The following ACER3 variants were observed in gnomAD, a reference collection of about 807,000 sequenced individuals.
The protein encoded by ACER3 is alkaline ceramidase 3, also known as alkCDase 3.
Under a neutral mutation model 48.9 loss-of-function variants are expected in ACER3, and 16 were observed. The ratio of observed to expected loss-of-function variants is 0.33; its 90% CI spans 0.22 to 0.50. The LOEUF (loss-of-function observed/expected upper bound fraction) is 0.50. Among genes scored for constraint, ACER3 ranks in the 20% least tolerant of loss-of-function variants. ACER3 has a pLI of 0.98. For synonymous variants in ACER3, 109 were observed against 107.8 expected (o/e 1.01, Z -0.07); for missense variants, 227 against 326.0 (o/e 0.70, Z 2.34).
At chr11:76,869,353 GC>G (rs1945182900) in intron 1 of ACER3, among the ~76,000 whole-genome samples, 1 of 152,168 alleles carries the variant, frequency 6.6e-6, no homozygotes, top group African/African-American at 2.4e-5. Flanking sequence ...AAGTCAGACT[GC>G]CAGTTAATTG....
rs569285409 is a variant in ACER3, at chr11:76,968,416, T to TTTC, written c.268-7869_268-7867dup. ...CAATCCCCATCAAGCTACCAATGAC[T>TTTC]TTCTTCACAGAATTGGAAAAAATTA... On this transcript the variant is annotated intron_variant, in intron 3 of 10. Transcript: ENST00000532485. 1.4e-3 allele frequency among the ~76,000 whole-genome samples: 219 copies of TTTC among 152,332 alleles called. 2 individuals are homozygous for TTTC. The highest frequency in any genetic ancestry group is 5.0e-3 in the African/African-American group (208 of 41,564).
chr11:76,972,195 A>T (rs1276040594), intron 3 of ACER3, among the ~76,000 whole-genome samples: 1 of 152,204 alleles, frequency 6.6e-6, no homozygotes, highest in Non-Finnish European at 1.5e-5. Flanking sequence ...TGTTTTTGAA[A>T]GTGGCTGCAC....
chr11:76,885,464 T>C (rs547024038), intron 1 of ACER3, among the ~76,000 whole-genome samples: 49 of 152,156 alleles, frequency 3.2e-4, no homozygotes, highest in African/African-American at 1.1e-3. Flanking sequence ...CAGGAAGAAG[T>C]TTTTATACTC....
intron 1 of ACER3, among the ~76,000 whole-genome samples, chr11:76,912,585 G>A (rs1038371360): frequency 6.6e-6 from 1 of 151,726 alleles, no homozygotes; most frequent in African/African-American, 2.4e-5. Flanking sequence ...GATTAAAGAA[G>A]ACAATGACAT....
intron 4 of ACER3, among the ~76,000 whole-genome samples, chr11:76,981,592 AT>A (rs1948586592): frequency 6.6e-6 from 1 of 152,232 alleles, no homozygotes; most frequent in African/African-American, 2.4e-5. Context: ...TTCTATAATT[AT>A]AGATTAGTTT....
chr11:76,899,698 T>C (rs779458458), intron 1 of ACER3, among the ~76,000 whole-genome samples: 3 of 152,242 alleles, frequency 2.0e-5, no homozygotes, highest in Admixed American at 6.5e-5. Context: ...TATTCATGTT[T>C]ATCTTCTAGT....
intron 5 of ACER3, 57 bp from the exon 6 acceptor site, chr11:76,990,481 GT>G (rs1262250201): frequency 1.4e-5 from 18 of 1,264,816 alleles, no homozygotes; most frequent in Middle Eastern, 1.9e-4. Flanking sequence ...ATTGGAGTCG[GT>G]TTTTCCCCCC....
intron 1 of ACER3, among the ~76,000 whole-genome samples, chr11:76,899,199 C>A (rs1056451297): frequency 2.6e-5 from 4 of 152,142 alleles, no homozygotes; most frequent in African/African-American, 4.8e-5. Context: ...TAGCCCATAT[C>A]TATTGGTACC....
chr11:76,966,859 A>T (rs1198739887), intron 3 of ACER3, among the ~76,000 whole-genome samples: 2 of 151,442 alleles, frequency 1.3e-5, no homozygotes, highest in African/African-American at 4.9e-5. Flanking sequence ...AAAGCAGGAA[A>T]GATCTACAAT....
In ACER3 at chr11:77,025,490, CT is replaced by C. The variant is rs1949538812; in HGVS notation, c.*5164del. On this transcript the variant is annotated 3_prime_UTR_variant, in exon 11 of 11. Transcript: ENST00000532485. ...TGGCAGGATCTCAACTCATTGCAAC[CT>C]CCGCCTCCCAAGGTTCAAGCGATTC... 6.6e-6 allele frequency: 1 copy of C among 151,208 alleles called. No individual in the cohort carries two copies. The highest frequency in any genetic ancestry group is 2.4e-5 in the African/African-American group (1 of 40,938). The allele number at this position is 151,208 out of a possible 1,614,324, so 9.4% of individuals were successfully genotyped here. A position where few individuals can be genotyped will look rare whatever the true frequency, so the allele number is the denominator to read the frequency against.
At chr11:76,968,641 T>C (rs1178670715) in intron 3 of ACER3, among the ~76,000 whole-genome samples, 2 of 152,126 alleles carry the variant, frequency 1.3e-5, no homozygotes, top group South Asian at 2.1e-4. Context: ...TAATGCCACA[T>C]ATCTACAACT....
rs1555025468 is a variant in ACER3, at chr11:77,025,390, C to CTT, written c.*5065_*5066dup. ...AATGGTTATTTTATTTTATTTTATT[C>CTT]TTTATATATATATATATATATTTAT... On this transcript the variant is annotated 3_prime_UTR_variant, in exon 11 of 11. Coordinates refer to ENST00000532485, the MANE Select transcript of ACER3 (RefSeq NM_018367.7). The CTT allele has an allele frequency of 5.6e-5, 4 of 71,056 alleles. No individual in the cohort carries two copies. The highest frequency in any genetic ancestry group is 3.1e-4 in the African/African-American group (4 of 13,044). The allele number at this position is 71,056 out of a possible 1,614,324, so 4.4% of individuals were successfully genotyped here.
intron 1 of ACER3, among the ~76,000 whole-genome samples, chr11:76,913,084 C>G (rs1262342775): frequency 6.6e-6 from 1 of 152,184 alleles, no homozygotes; most frequent in Non-Finnish European, 1.5e-5. Context: ...AGGTCCTTCA[C>G]CTCCCTTGTA....
intron 7 of ACER3, among the ~76,000 whole-genome samples, chr11:77,010,194 A>AATAATG: frequency 7.5e-6 from 1 of 132,844 alleles, no homozygotes; most frequent in Non-Finnish European, 1.7e-5. Flanking sequence ...TAATAATAAT[A>AATAATG]ATAACTAGTT....
intron 5 of ACER3, among the ~76,000 whole-genome samples, chr11:76,987,325 G>A (rs1378525435): frequency 1.3e-5 from 2 of 152,158 alleles, no homozygotes; most frequent in African/African-American, 4.8e-5. Flanking sequence ...TAGTAGAGGG[G>A]GTGGAAGTAG....
At chr11:76,938,573 C>G (rs1187547009) in intron 2 of ACER3, among the ~76,000 whole-genome samples, 1 of 152,156 alleles carries the variant, frequency 6.6e-6, no homozygotes, top group Non-Finnish European at 1.5e-5. Context: ...CATGCTTCAG[C>G]CTCCCAATGT....
chr11:76,994,982 A>T (rs932011197), intron 6 of ACER3, among the ~76,000 whole-genome samples: 8 of 152,166 alleles, frequency 5.3e-5, no homozygotes, highest in Non-Finnish European at 1.0e-4. Flanking sequence ...GGAAGGAAGT[A>T]AAAGGCCAAG....
intron 1 of ACER3, among the ~76,000 whole-genome samples, chr11:76,908,351 C>T (rs926349399): frequency 4.6e-5 from 7 of 151,624 alleles, no homozygotes; most frequent in African/African-American, 9.7e-5. Context: ...ATTAGAAAAC[C>T]CCATCGTCTC....
chr11:76,958,648 G>A (rs1565199798), intron 2 of ACER3, among the ~76,000 whole-genome samples: 1 of 152,110 alleles, frequency 6.6e-6, no homozygotes, highest in Non-Finnish European at 1.5e-5. Context: ...TAGCCATTTG[G>A]GTCAGAAGTG....
Sources: allele counts gnomAD v4.1 joint callset (sites outside exome capture counted in the v4.1 genomes callset), GRCh38; gene constraint gnomAD v4.1.1; transcripts MANE v1.5; gene names NCBI Gene and HGNC (gene_info 2026-07-23, HGNC 2026-07-21).